The following RGS21 variants were observed in gnomAD, a reference collection of about 807,000 sequenced individuals.
The protein encoded by RGS21 is regulator of G protein signaling 21, also known as regulator of G-protein signalling 21.
A neutral mutation model predicts 18.7 loss-of-function variants in RGS21; 19 were observed. The observed-to-expected ratio is 1.01, with a 90% confidence interval of 0.71 to 1.49. The LOEUF is 1.49. RGS21 is among the 40% of genes most tolerant of loss of function. The pLI is 0.00. For synonymous variants in RGS21, 56 were observed against 57.8 expected, an observed-to-expected ratio of 0.97 and a Z score of 0.14; for missense variants, 194 against 176.8, an observed-to-expected ratio of 1.10 and a Z score of -0.55.
At chr1:192,349,663 T>A (rs903834506) in intron 3 of RGS21, among the ~76,000 whole-genome samples, 10 of 152,188 alleles carry the variant, frequency 6.6e-5, no homozygotes, top group Admixed American at 2.0e-4. Context: ...AATATCATGT[T>A]CAAGATATAG....
rs893653856 is a variant in RGS21, at chr1:192,360,781, T to C, written c.256-5140T>C. On this transcript the variant is annotated intron_variant, in intron 4 of 4. Coordinates refer to ENST00000417209, the MANE Select transcript of RGS21 (RefSeq NM_001039152.3). ...GGGCTTCCTCCAGTTTACCATTCCA[T>C]GTGCAAGTCTCCTTTTTAATATTTC... 1.1e-4 allele frequency among the ~76,000 whole-genome samples: 16 copies of C among 152,248 alleles called. No individual in the cohort carries two copies. In the South Asian group the frequency reaches 3.1e-3, roughly 30 times the overall value.
rs753175366 is a variant in RGS21 at position 192,347,318 on chromosome 1, GT to G, written c.20del (p.Phe7SerfsTer10). The G allele has an allele frequency of 6.9e-6, 11 of 1,596,492 alleles. No individual in the cohort carries two copies. Among genetic ancestry groups the G allele is most frequent in the Admixed American group, 1.7e-5 (1 of 59,880 alleles). On this transcript the variant is annotated frameshift_variant, in exon 3 of 5. Coordinates refer to ENST00000417209, the MANE Select transcript of RGS21 (RefSeq NM_001039152.3). LOFTEE classifies it high-confidence loss of function. ...AATGCTATTGTCAAGGTTAGATGCT[GT>G]TTCTACAGGTCACCAACTGCGGAAA... MPVKC[C>X]FYRSPTAETM...
intron 1 of RGS21, among the ~76,000 whole-genome samples, chr1:192,321,652 GTATATT>G (rs1557972770): frequency 6.6e-6 from 1 of 151,760 alleles, no homozygotes; most frequent in African/African-American, 2.4e-5. Flanking sequence ...TTAATCATTT[GTATATT>G]TATAATATGA....
chr1:192,334,137 C>T (rs561597631), intron 1 of RGS21, among the ~76,000 whole-genome samples: 17 of 152,030 alleles, frequency 1.1e-4, no homozygotes, highest in Non-Finnish European at 1.8e-4. Flanking sequence ...ATCTAGGCTA[C>T]GTTTCTCGAC....
chr1:192,342,946 T>G (rs950655011), intron 1 of RGS21, 31 bp from the exon 2 acceptor site: 31 of 1,273,646 alleles, frequency 2.4e-5, no homozygotes, highest in Non-Finnish European at 3.2e-5. Flanking sequence ...GCATACTAAT[T>G]GTAATGTTCC....
At chr1:192,354,645 A>T (rs1396736083) in intron 4 of RGS21, among the ~76,000 whole-genome samples, 1 of 151,698 alleles carries the variant, frequency 6.6e-6, no homozygotes, top group Non-Finnish European at 1.5e-5. Context: ...CAAGAATGAG[A>T]TTTATATGAG....
intron 1 of RGS21, among the ~76,000 whole-genome samples, chr1:192,327,027 C>T (rs986080747): frequency 7.2e-5 from 11 of 151,872 alleles, no homozygotes; most frequent in Non-Finnish European, 1.0e-4. Context: ...AATGGTTTTT[C>T]GATGAGTCCT....
chr1:192,337,105 TA>T (rs1445827499), intron 1 of RGS21, among the ~76,000 whole-genome samples: 1 of 152,138 alleles, frequency 6.6e-6, no homozygotes, highest in Non-Finnish European at 1.5e-5. Flanking sequence ...TTGTATGCTA[TA>T]CTTAAAATGT....
chr1:192,343,637 C>T (rs776207576), intron 2 of RGS21, among the ~76,000 whole-genome samples: 5 of 152,090 alleles, frequency 3.3e-5, no homozygotes, highest in Non-Finnish European at 7.4e-5. Flanking sequence ...TACTGCTGGC[C>T]TTGATGGCAC....
chr1:192,344,389 C>A (rs1314015446), intron 2 of RGS21, among the ~76,000 whole-genome samples: 1 of 152,024 alleles, frequency 6.6e-6, no homozygotes, highest in Non-Finnish European at 1.5e-5. Flanking sequence ...CCATTACTGT[C>A]TGTGGAATAT....
intron 1 of RGS21, among the ~76,000 whole-genome samples, chr1:192,333,895 CTG>C (rs1231187238): frequency 6.6e-6 from 1 of 152,098 alleles, no homozygotes; most frequent in Non-Finnish European, 1.5e-5. Context: ...CTGGGATAGA[CTG>C]TGCAAAGGAT....
Position 192,352,091 on chromosome 1 carries a change from GA to G in RGS21, c.135del (p.Glu46LysfsTer27). Reference protein sequence around the residue: ...FRIFLKSEFSEENVEFWLACE... With the variant: ...FRIFLKSEFSXENVEFWLACE... ...AATATTTCTAAAATCAGAGTTTAGT[GA>G]AGAAAATGTTGAGTTCTGGCTTGCC... On this transcript the variant is annotated frameshift_variant, in exon 4 of 5. Transcript: ENST00000417209. LOFTEE classifies it high-confidence loss of function. 6.2e-7 allele frequency: 1 copy of G among 1,604,284 alleles called. No individual in the cohort carries two copies. The highest frequency in any genetic ancestry group is 1.3e-5 in the African/African-American group (1 of 74,352).
chr1:192,336,878 T>C (rs578016818), intron 1 of RGS21, among the ~76,000 whole-genome samples: 1 of 152,170 alleles, frequency 6.6e-6, no homozygotes, highest in Non-Finnish European at 1.5e-5. Context: ...AGGGAAAAAA[T>C]AGTGATTGGC....
intron 4 of RGS21, among the ~76,000 whole-genome samples, chr1:192,358,039 C>G (rs890449966): frequency 1.3e-5 from 2 of 151,960 alleles, no homozygotes; most frequent in Non-Finnish European, 2.9e-5. Context: ...GGAAACAGGT[C>G]AATCTGATTC....
intron 3 of RGS21, among the ~76,000 whole-genome samples, chr1:192,348,471 A>G (rs1571458918): frequency 2.6e-5 from 4 of 152,338 alleles, no homozygotes; most frequent in Admixed American, 2.6e-4. Flanking sequence ...ACTTTATATC[A>G]ACTGTGTTAT....
chr1:192,363,518 T>C (rs1659215159), intron 4 of RGS21, among the ~76,000 whole-genome samples: 2 of 152,180 alleles, frequency 1.3e-5, no homozygotes, highest in Non-Finnish European at 2.9e-5. Flanking sequence ...CAGACTATAG[T>C]AGATGTTTAA....
intron 1 of RGS21, among the ~76,000 whole-genome samples, chr1:192,321,754 A>C (rs994151622): frequency 6.6e-6 from 1 of 152,052 alleles, no homozygotes; most frequent in African/African-American, 2.4e-5. Context: ...TCACTCTTTG[A>C]TGTATTAAAA....
At chr1:192,322,443 C>T (rs957059976) in intron 1 of RGS21, among the ~76,000 whole-genome samples, 2 of 152,060 alleles carry the variant, frequency 1.3e-5, no homozygotes, top group Non-Finnish European at 2.9e-5. Flanking sequence ...CATTTACTTC[C>T]ACAATTGTTT....
intron 1 of RGS21, among the ~76,000 whole-genome samples, chr1:192,323,208 C>T (rs1336380956): frequency 2.0e-5 from 3 of 152,018 alleles, no homozygotes; most frequent in Non-Finnish European, 4.4e-5. Flanking sequence ...CTTGTTTTAC[C>T]CCACAAACGC....
Sources: gnomAD v4.1 joint callset for allele counts (sites outside exome capture counted in the v4.1 genomes callset) on GRCh38, gnomAD v4.1.1 for gene constraint, MANE v1.5 for transcripts, NCBI Gene and HGNC (gene_info 2026-07-23, HGNC 2026-07-21) for gene names.